Variants in CFAP44 observed in about 807,000 individuals in gnomAD.
CFAP44 encodes the protein cilia- and flagella-associated protein 44.
A neutral mutation model predicts 216.2 loss-of-function variants in CFAP44; 134 were observed. The observed-to-expected ratio is 0.62, with a 90% confidence interval of 0.54 to 0.72. The LOEUF is 0.72. Among genes scored for constraint, CFAP44 ranks in the 30% least tolerant of loss-of-function variants. The probability of loss-of-function intolerance (pLI) is 0.00; values close to 1 mark genes in which losing one functional copy is unlikely to be tolerated. For missense variants in CFAP44, 2,035 were observed against 2,182.1 expected (o/e 0.93, Z 1.34); for synonymous variants, 700 against 727.6 (o/e 0.96, Z 0.61).
At chr3:113,420,299 G>T in intron 4 of CFAP44, 120 bp from the exon 5 acceptor site, 1 of 1,028,144 alleles carries the variant, frequency 9.7e-7, no homozygotes, top group Non-Finnish European at 1.3e-6. Flanking sequence ...TGAAGTAGTT[G>T]AATTTTACCC....
intron 15 of CFAP44, among the ~76,000 whole-genome samples, chr3:113,388,795 G>A (rs541843717): frequency 1.3e-5 from 2 of 152,174 alleles, no homozygotes; most frequent in African/African-American, 4.8e-5. Context: ...ATTATATAAT[G>A]ATAAAGAGGT....
At chr3:113,423,012 C>T (rs1934857599) in intron 4 of CFAP44, among the ~76,000 whole-genome samples, 1 of 151,934 alleles carries the variant, frequency 6.6e-6, no homozygotes, top group Admixed American at 6.6e-5. Flanking sequence ...CCCAGAATGC[C>T]TAACACACTG....
intron 24 of CFAP44, 75 bp from the exon 25 acceptor site, chr3:113,333,658 A>T: frequency 7.5e-7 from 1 of 1,330,326 alleles, no homozygotes; most frequent in Non-Finnish European, 9.7e-7. Flanking sequence ...TAATATAGGC[A>T]TATATTCAAA....
Position 113,330,537 on chromosome 3 carries a change from C to T in CFAP44, c.3747G>A (p.Lys1249=). ...GAGGAATTTTGGGAATGGGTATGTG[C>T]TTGGATATGTGAAGAGTCGACTGAA... The part of the protein sequence containing the change: ...KNIQSTLHIS[K]HIPIPKIPQI... The change falls in exon 26 of 35, where the codon AAG becomes AAA. Residue 1249 remains lysine (K), a synonymous_variant. Coordinates refer to ENST00000393845, the MANE Select transcript of CFAP44 (RefSeq NM_001164496.2). 3 of 1,537,172 alleles carry T rather than the reference C, an allele frequency of 2.0e-6. No homozygotes were observed. The highest frequency in any genetic ancestry group is 2.6e-6 in the Non-Finnish European group (3 of 1,146,874).
At chr3:113,435,321 AG>A (rs1935210275) in intron 1 of CFAP44, among the ~76,000 whole-genome samples, 1 of 152,168 alleles carries the variant, frequency 6.6e-6, no homozygotes, top group East Asian at 1.9e-4. Flanking sequence ...TCATAGCAGA[AG>A]GGGAAGCAAA....
At chr3:113,357,325 T>C (rs1950500682) in intron 22 of CFAP44, among the ~76,000 whole-genome samples, 1 of 151,988 alleles carries the variant, frequency 6.6e-6, no homozygotes, top group Non-Finnish European at 1.5e-5. Context: ...GGTAATCAAG[T>C]TGAAATGAGA....
At chr3:113,361,529 C>G (rs1367925368) in intron 21 of CFAP44, among the ~76,000 whole-genome samples, 7 of 147,888 alleles carry the variant, frequency 4.7e-5, no homozygotes, top group African/African-American at 1.7e-4. Context: ...GAGTCTCACT[C>G]TGTCCCCCAG....
At chr3:113,424,636 C>T (rs4682137) in intron 4 of CFAP44, among the ~76,000 whole-genome samples, 26,426 of 152,080 alleles carry the variant, frequency 0.17, 3,035 homozygotes, top group East Asian at 0.42. Context: ...GGGGCCATCC[C>T]AGCAAGGCAG....
intron 28 of CFAP44, among the ~76,000 whole-genome samples, chr3:113,317,799 A>G (rs2936722): frequency 0.98 from 148,695 of 152,318 alleles, 72,603 homozygotes; most frequent in East Asian, 1. Flanking sequence ...AGTCCAGAAA[A>G]GATGTTGCAT....
intron 6 of CFAP44, 63 bp from the exon 7 acceptor site, chr3:113,409,385 T>A: frequency 6.7e-7 from 1 of 1,487,224 alleles, no homozygotes. Context: ...AAAAACATAT[T>A]GTAAAAAAAA....
intron 34 of CFAP44, chr3:113,293,815 G>C (rs1949854646): frequency 3.8e-6 from 1 of 264,434 alleles, no homozygotes; most frequent in Non-Finnish European, 7.6e-6. Flanking sequence ...TCTTACTTTG[G>C]GACTTTTGTT....
intron 28 of CFAP44, among the ~76,000 whole-genome samples, chr3:113,310,542 CAA>C (rs1314777541): frequency 2.0e-5 from 3 of 152,164 alleles, no homozygotes; most frequent in Non-Finnish European, 4.4e-5. Context: ...AAATAAGATA[CAA>C]AGTCTCATAA....
intron 13 of CFAP44, among the ~76,000 whole-genome samples, chr3:113,398,205 T>C (rs770414749): frequency 6.6e-6 from 1 of 152,172 alleles, no homozygotes; most frequent in East Asian, 1.9e-4. Flanking sequence ...AAAAACAGTC[T>C]AGTGGGAAGA....
chr3:113,408,584 G>A (rs1188296985), intron 7 of CFAP44, among the ~76,000 whole-genome samples: 3 of 152,168 alleles, frequency 2.0e-5, no homozygotes, highest in Non-Finnish European at 4.4e-5. Context: ...TCCTTATTTG[G>A]CTGGGCACAG....
At chr3:113,302,359 C>A (rs149610951) in intron 32 of CFAP44, among the ~76,000 whole-genome samples, 1 of 148,650 alleles carries the variant, frequency 6.7e-6, no homozygotes, top group East Asian at 2.0e-4. Flanking sequence ...GACACACACA[C>A]ATACACATAG....
At chr3:113,338,255 CAAAAAAAAAAAAAAAA>C (rs10574877) in intron 24 of CFAP44, among the ~76,000 whole-genome samples, 1 of 43,018 alleles carries the variant, frequency 2.3e-5, no homozygotes, top group Non-Finnish European at 3.7e-5. Context: ...GACAATGTCT[CAAAAAAAAAAAAAAAA>C]AAAAAAAAAA....
At chr3:113,426,037 AT>A (rs1934950616) in intron 4 of CFAP44, 86 bp downstream of exon 4, 1 of 1,497,538 alleles carries the variant, frequency 6.7e-7, no homozygotes. Flanking sequence ...GGGAAGGCAC[AT>A]TTGGGCTCCC....
chr3:113,346,849 T>C (rs923286308), intron 22 of CFAP44, among the ~76,000 whole-genome samples: 7 of 152,228 alleles, frequency 4.6e-5, no homozygotes, highest in African/African-American at 1.7e-4. Flanking sequence ...TCCCCTTCCA[T>C]GCTGTGGAAG....
chr3:113,329,608 T>C (rs1391618107), intron 26 of CFAP44, among the ~76,000 whole-genome samples: 1 of 152,218 alleles, frequency 6.6e-6, no homozygotes, highest in African/African-American at 2.4e-5. Flanking sequence ...TATTCTTTCA[T>C]ATTCAAAGAA....
Sources: allele counts gnomAD v4.1 joint callset (sites outside exome capture counted in the v4.1 genomes callset), GRCh38; gene constraint gnomAD v4.1.1; transcripts MANE v1.5; gene names NCBI Gene and HGNC (gene_info 2026-07-23, HGNC 2026-07-21).